The following CAMK1D variants were observed in gnomAD, a reference collection of about 807,000 sequenced individuals.
CAMK1D encodes calcium/calmodulin dependent protein kinase ID.
In CAMK1D, 9 loss-of-function variants were observed where a neutral mutation model predicts 47.7. The observed-to-expected ratio is 0.19, with a 90% CI of 0.11 to 0.33. CAMK1D has a LOEUF of 0.33. Ranked by LOEUF, CAMK1D falls within the 10% of genes least tolerant of loss-of-function variation. The pLI, the probability that CAMK1D is intolerant of heterozygous loss-of-function variation, is 1.00. For synonymous variants in CAMK1D, 184 were observed against 184.9 expected, an observed-to-expected ratio of 0.99 and a Z score of 0.04; for missense variants, 291 against 488.7, an observed-to-expected ratio of 0.60 and a Z score of 3.81.
intron 1 of CAMK1D, among the ~76,000 whole-genome samples, chr10:12,422,526 G>T (rs747802383): frequency 3.9e-5 from 6 of 152,124 alleles, no homozygotes; most frequent in Non-Finnish European, 7.3e-5. Context: ...GCTGCAGCAT[G>T]CCCCCTGAAC....
In CAMK1D at chr10:12,831,107, C is replaced by T. The variant is rs1272992154; in HGVS notation, c.*2220C>T. The T allele has an allele frequency of 6.6e-6, 1 of 152,192 alleles. No homozygotes were observed. The highest frequency in any genetic ancestry group is 1.5e-5 in the Non-Finnish European group (1 of 68,074). 9.4% of individuals were successfully genotyped at this position (152,192 alleles called of 1,614,324 possible). A position where few individuals can be genotyped will look rare whatever the true frequency, so the allele number is the denominator to read the frequency against. On this transcript the variant is annotated 3_prime_UTR_variant, in exon 11 of 11. Coordinates refer to ENST00000619168, the MANE Select transcript of CAMK1D (RefSeq NM_153498.4). ...ACTCCACTGCTTGGCAGGAATTCTGCATGGCATCTGCCACGCATGCTCACA... is the reference window on the plus strand; with the variant it reads ...ACTCCACTGCTTGGCAGGAATTCTGTATGGCATCTGCCACGCATGCTCACA...
At chr10:12,710,836 T>G (rs905860425) in intron 3 of CAMK1D, among the ~76,000 whole-genome samples, 1 of 152,198 alleles carries the variant, frequency 6.6e-6, no homozygotes, top group African/African-American at 2.4e-5. Flanking sequence ...ACCGGCGATA[T>G]GTACCTCCGA....
Position 12,814,242 on chromosome 10 carries a change from T to G in CAMK1D, c.689T>G (p.Phe230Cys). ...TATGATGAAAATGACTCCAAGCTCT[T>G]TGAGCAGATCCTCAAGGCGGAATAT... ...PFYDENDSKLFEQILKAEYEF... is the reference protein window; with the variant it reads ...PFYDENDSKLCEQILKAEYEF... Residue 230 changes from phenylalanine (F) to cysteine (C), a missense_variant, in exon 7 of 11, where the codon TTT (phenylalanine) becomes TGT (cysteine). Transcript: ENST00000619168. The G allele has an allele frequency of 6.2e-7, 1 of 1,614,046 alleles. No homozygotes were observed. The highest frequency in any genetic ancestry group is 1.1e-5 in the South Asian group (1 of 91,070).
At chr10:12,454,190 TCTCG>T in intron 1 of CAMK1D, among the ~76,000 whole-genome samples, 1 of 152,312 alleles carries the variant, frequency 6.6e-6, no homozygotes. Context: ...CGCGATGGAG[TCTCG>T]CTCTGTCACT....
intron 5 of CAMK1D, among the ~76,000 whole-genome samples, chr10:12,783,053 T>C (rs1837570124): frequency 6.6e-6 from 1 of 150,720 alleles, no homozygotes; most frequent in Non-Finnish European, 1.5e-5. Context: ...AGTGCAGTGG[T>C]GCAATCTTGG....
At chr10:12,414,958 A>G (rs1309283240) in intron 1 of CAMK1D, among the ~76,000 whole-genome samples, 1 of 152,086 alleles carries the variant, frequency 6.6e-6, no homozygotes, top group Non-Finnish European at 1.5e-5. Context: ...CTCGTTTGGA[A>G]TTTCTTCGGG....
intron 2 of CAMK1D, among the ~76,000 whole-genome samples, chr10:12,601,314 C>T (rs1020066493): frequency 1.3e-5 from 2 of 151,640 alleles, no homozygotes; most frequent in African/African-American, 4.8e-5. Context: ...TGGTTTCACT[C>T]AGTCTTGCCT....
intron 1 of CAMK1D, among the ~76,000 whole-genome samples, chr10:12,466,993 A>C (rs997883384): frequency 4.6e-5 from 7 of 152,146 alleles, no homozygotes; most frequent in Admixed American, 4.6e-4. Flanking sequence ...AAGCAAAGCA[A>C]GCACCCCAGG....
chr10:12,428,699 T>G lies in CAMK1D; in HGVS notation c.92+78789T>G, dbSNP rs142448486. The stretch of plus-strand genomic sequence containing the variant: ...GAACACAACCCAGCTTCCTTACTGT[T>G]AGGAGCCGAAAGCTTGTGTCCCCAC... On this transcript the variant is annotated intron_variant, in intron 1 of 10. Coordinates refer to ENST00000619168, the MANE Select transcript of CAMK1D (RefSeq NM_153498.4). 4.3e-3 allele frequency among the ~76,000 whole-genome samples: 650 copies of G among 152,280 alleles called. 1 individual carries two copies. Among genetic ancestry groups the G allele is most frequent in the Admixed American group, 9.3e-3 (143 of 15,300 alleles).
chr10:12,728,510 G>A (rs555972935), intron 3 of CAMK1D, among the ~76,000 whole-genome samples: 5 of 152,200 alleles, frequency 3.3e-5, no homozygotes, highest in Admixed American at 6.5e-5. Flanking sequence ...GTGGTCTGAC[G>A]GGATCTGTGT....
intron 1 of CAMK1D, among the ~76,000 whole-genome samples, chr10:12,517,765 C>A (rs761988723): frequency 4.0e-4 from 60 of 151,868 alleles, no homozygotes; most frequent in Non-Finnish European, 7.2e-4. Flanking sequence ...TTGCTGGATC[C>A]CATTTGGTAA....
chr10:12,745,081 A>C (rs770822514), intron 3 of CAMK1D, among the ~76,000 whole-genome samples: 20 of 152,244 alleles, frequency 1.3e-4, no homozygotes, highest in Non-Finnish European at 2.4e-4. Flanking sequence ...TCCAGGCTGG[A>C]GCGCAATGGC....
At chr10:12,762,934 C>T (rs971424870) in intron 4 of CAMK1D, among the ~76,000 whole-genome samples, 4 of 152,146 alleles carry the variant, frequency 2.6e-5, no homozygotes, top group Non-Finnish European at 5.9e-5. Context: ...GTGGTGACCA[C>T]AGGGATGCAC....
At chr10:12,662,599 C>T (rs888628907) in intron 2 of CAMK1D, among the ~76,000 whole-genome samples, 1 of 151,562 alleles carries the variant, frequency 6.6e-6, no homozygotes, top group Non-Finnish European at 1.5e-5. Flanking sequence ...TTGCAGTGAG[C>T]CGAGATTGCA....
chr10:12,430,131 T>C (rs546318904), intron 1 of CAMK1D, among the ~76,000 whole-genome samples: 2 of 152,282 alleles, frequency 1.3e-5, no homozygotes, highest in African/African-American at 4.8e-5. Flanking sequence ...CTCTCTTGGA[T>C]GGAAGTCAGT....
chr10:12,481,344 CAGG>C (rs1834059014), intron 1 of CAMK1D, among the ~76,000 whole-genome samples: 5 of 152,124 alleles, frequency 3.3e-5, no homozygotes, highest in Admixed American at 3.3e-4. Flanking sequence ...CTCAGTACAC[CAGG>C]ACCATTTTCC....
intron 1 of CAMK1D, among the ~76,000 whole-genome samples, chr10:12,449,930 A>G (rs988849503): frequency 2.0e-5 from 3 of 152,148 alleles, no homozygotes; most frequent in South Asian, 2.1e-4. Flanking sequence ...CTTGGGAGGC[A>G]GAGGTTGCAG....
chr10:12,545,529 C>T (rs1836338098), intron 1 of CAMK1D, among the ~76,000 whole-genome samples: 1 of 149,816 alleles, frequency 6.7e-6, no homozygotes, highest in Non-Finnish European at 1.5e-5. Context: ...TAGCCGGGCG[C>T]AGTGGCTCAC....
At chr10:12,449,593 G>A (rs1005026689) in intron 1 of CAMK1D, among the ~76,000 whole-genome samples, 3 of 151,268 alleles carry the variant, frequency 2.0e-5, no homozygotes, top group African/African-American at 4.9e-5. Flanking sequence ...ATCATGTTAC[G>A]ATGTATACAT....
Sources: gnomAD v4.1 joint callset for allele counts (sites outside exome capture counted in the v4.1 genomes callset) on GRCh38, gnomAD v4.1.1 for gene constraint, MANE v1.5 for transcripts, NCBI Gene and HGNC (gene_info 2026-07-23, HGNC 2026-07-21) for gene names.